PRKCZ: variants seen among roughly 807,000 people sequenced by gnomAD.
PRKCZ encodes the protein protein kinase C zeta type.
In PRKCZ, 33 loss-of-function variants were observed where a neutral mutation model predicts 79.5. The observed-to-expected ratio is 0.41, with a 90% CI of 0.31 to 0.55. The LOEUF is 0.55. PRKCZ is among the 20% of genes least tolerant of loss of function. The pLI is 0.19. For missense variants in PRKCZ, 578 were observed against 813.5 expected (o/e 0.71, Z 3.52); for synonymous variants, 342 against 320.9 (o/e 1.07, Z -0.70).
chr1:2,064,196 G>T (rs1256874630), intron 4 of PRKCZ, among the ~76,000 whole-genome samples: 1 of 152,230 alleles, frequency 6.6e-6, no homozygotes, highest in Non-Finnish European at 1.5e-5. Flanking sequence ...TTCGCGTCCT[G>T]TGTCCATTTT....
chr1:2,130,661 G>A (rs899437484), intron 4 of PRKCZ, among the ~76,000 whole-genome samples: 8 of 152,000 alleles, frequency 5.3e-5, no homozygotes, highest in African/African-American at 1.4e-4. Flanking sequence ...AGGGAGCTCA[G>A]CCTTTGCTCT....
At chr1:2,139,283 A>T (rs1385731064) in intron 5 of PRKCZ, among the ~76,000 whole-genome samples, 2 of 152,120 alleles carry the variant, frequency 1.3e-5, no homozygotes, top group Non-Finnish European at 2.9e-5. Flanking sequence ...TGTCAACATC[A>T]AAGATGTTAA....
chr1:2,071,969 C>T (rs528709815), intron 4 of PRKCZ, among the ~76,000 whole-genome samples: 128 of 152,320 alleles, frequency 8.4e-4, no homozygotes, highest in African/African-American at 2.0e-3. Context: ...TAGACTCTTC[C>T]GGTGTTTCAA....
At chr1:2,096,457 G>C (rs1390580279) in intron 4 of PRKCZ, among the ~76,000 whole-genome samples, 1 of 152,158 alleles carries the variant, frequency 6.6e-6, no homozygotes, top group Non-Finnish European at 1.5e-5. Flanking sequence ...GTAGACGCCA[G>C]GAACGCGGTT....
chr1:2,090,291 G>A (rs1011927304), intron 4 of PRKCZ, among the ~76,000 whole-genome samples: 1 of 152,186 alleles, frequency 6.6e-6, no homozygotes, highest in Admixed American at 6.5e-5. Context: ...CCATGGCCTG[G>A]CCGGTCTGCA....
At chr1:2,050,956 C>G (rs1659583702) in intron 1 of PRKCZ, 1 of 364,160 alleles carries the variant, frequency 2.7e-6, no homozygotes, top group East Asian at 4.0e-5. Context: ...TCGGCCCGGT[C>G]ATTGTGGTAG....
rs1374353354 is a variant in PRKCZ, at chr1:2,104,827, G to A, written c.335-30435G>A. The A allele has an allele frequency of 9.1e-6, 9 of 985,670 alleles. No individual in the cohort carries two copies. In the South Asian group the frequency reaches 1.9e-4, roughly 21 times the overall value. 61.1% of individuals were successfully genotyped at this position (985,670 alleles called of 1,614,324 possible). On this transcript the variant is annotated intron_variant, in intron 4 of 17. Coordinates refer to ENST00000378567, the MANE Select transcript of PRKCZ (RefSeq NM_002744.6). ...GAGAGTTGGAGGGCGCTTCCTCGCC[G>A]GGTGTTGCGGTGTGAGCGGGGACTG... is the stretch of plus-strand genomic sequence containing the variant.
At chr1:2,115,821 C>G (rs1372135501) in intron 4 of PRKCZ, among the ~76,000 whole-genome samples, 1 of 152,198 alleles carries the variant, frequency 6.6e-6, no homozygotes, top group Non-Finnish European at 1.5e-5. Context: ...CCTCTCCAGG[C>G]ACGCCACCCT....
At chr1:2,137,077 G>C (rs1039336178) in intron 5 of PRKCZ, among the ~76,000 whole-genome samples, 1 of 152,192 alleles carries the variant, frequency 6.6e-6, no homozygotes, top group African/African-American at 2.4e-5. Context: ...CTCAGAAGCA[G>C]GGAAGCCGAC....
chr1:2,109,257 C>G (rs1328018259), intron 4 of PRKCZ, among the ~76,000 whole-genome samples: 1 of 152,206 alleles, frequency 6.6e-6, no homozygotes, highest in African/African-American at 2.4e-5. Flanking sequence ...AGGTTTCTGT[C>G]CTCTGCTGGA....
rs376055973 is a variant in PRKCZ at position 2,174,044 on chromosome 1, C to G, written c.1405+28C>G. The G allele has an allele frequency of 6.4e-7, 1 of 1,564,558 alleles. No individual in the cohort carries two copies. The highest frequency in any genetic ancestry group is 1.4e-5 in the African/African-American group (1 of 73,422). ...GCGTGCCCCGCTGTGCGTTCGTACC[C>G]CTCACCTGCACGACTGTCTTCCTTC... On this transcript the variant is annotated intron_variant, in intron 14 of 17. Transcript: ENST00000378567. The surrounding 1 kb of genome is among the most constrained non-coding windows in gnomAD (Gnocchi z 6.2).
chr1:2,105,927 C>T (rs926941536), intron 4 of PRKCZ, among the ~76,000 whole-genome samples: 11 of 152,204 alleles, frequency 7.2e-5, no homozygotes, highest in Admixed American at 4.6e-4. Context: ...AGGCCCCACC[C>T]CCCCACACAC....
At chr1:2,105,949 C>G (rs1164152774) in intron 4 of PRKCZ, among the ~76,000 whole-genome samples, 1 of 152,228 alleles carries the variant, frequency 6.6e-6, no homozygotes, top group Non-Finnish European at 1.5e-5. Flanking sequence ...CATGCTGGGA[C>G]CACGAGTGGC....
chr1:2,050,889 G>A, intron 1 of PRKCZ, 188 bp downstream of exon 1: 1 of 395,882 alleles, frequency 2.5e-6, no homozygotes, highest in Non-Finnish European at 4.4e-6. Context: ...CGTGGACAGC[G>A]CGGGCTCCTT....
intron 4 of PRKCZ, among the ~76,000 whole-genome samples, chr1:2,105,300 C>T (rs1668188486): frequency 6.6e-6 from 1 of 152,192 alleles, no homozygotes; most frequent in Non-Finnish European, 1.5e-5. Context: ...AGACGCAACT[C>T]TTGAAAGGCC....
upstream of PRKCZ, among the ~76,000 whole-genome samples, chr1:2,049,012 A>G (rs1318334053): frequency 6.6e-6 from 1 of 152,300 alleles, no homozygotes; most frequent in Non-Finnish European, 1.5e-5. Context: ...CTAAAAATAC[A>G]AAAATCAGCT....
chr1:2,058,975 A>G (rs921022427), intron 3 of PRKCZ, among the ~76,000 whole-genome samples: 30 of 151,984 alleles, frequency 2.0e-4, no homozygotes, highest in Admixed American at 1.9e-3. Context: ...CACATAAAAA[A>G]GTAGAGATGG....
chr1:2,074,065 T>C, intron 4 of PRKCZ: 1 of 1,462,136 alleles, frequency 6.8e-7, no homozygotes, highest in Non-Finnish European at 9.0e-7. Context: ...CCGCTGCCTG[T>C]GCGCTGCACA....
chr1:2,077,103 C>T (rs536158361), intron 4 of PRKCZ, among the ~76,000 whole-genome samples: 6 of 152,216 alleles, frequency 3.9e-5, no homozygotes, highest in African/African-American at 7.2e-5. Context: ...CAGATCCCTG[C>T]TGCCGGTTGT....
Sources: gnomAD v4.1 joint callset for allele counts (sites outside exome capture counted in the v4.1 genomes callset) on GRCh38, gnomAD v4.1.1 for gene constraint, Gnocchi (gnomAD v3.1) non-coding constraint, MANE v1.5 for transcripts, NCBI Gene and HGNC (gene_info 2026-07-23, HGNC 2026-07-21) for gene names.